The following TRMT9B variants were observed in gnomAD, a reference collection of about 807,000 sequenced individuals.
TRMT9B encodes the protein tRNA methyltransferase 9B (putative), also known as probable tRNA methyltransferase 9B.
In TRMT9B, 16 loss-of-function variants were observed where a neutral mutation model predicts 11.5. That is an observed-to-expected ratio of 1.39 (90% confidence interval 0.94 to 2.11). The LOEUF is 2.11. TRMT9B is among the 30% of genes most tolerant of loss of function. The probability of loss-of-function intolerance (pLI) is 0.00; values close to 1 mark genes in which losing one functional copy is unlikely to be tolerated. For missense variants in TRMT9B, 941 were observed against 553.8 expected (o/e 1.70, Z -7.02); for synonymous variants, 274 against 192.4 (o/e 1.42, Z -3.51).
chr8:13,010,136 T>TCAA, intron 3 of TRMT9B: 10 of 415,588 alleles, frequency 2.4e-5, no homozygotes, highest in Non-Finnish European at 3.1e-5. Flanking sequence ...AGACCCTATC[T>TCAA]GAAAAAAAAA....
intron 1 of TRMT9B, among the ~76,000 whole-genome samples, chr8:12,957,895 C>A (rs577510494): frequency 1.3e-5 from 2 of 152,136 alleles, no homozygotes; most frequent in Non-Finnish European, 2.9e-5. Context: ...ATCTCCAGAA[C>A]GTTTTTATCT....
intron 1 of TRMT9B, among the ~76,000 whole-genome samples, chr8:12,982,619 G>T (rs575285506): frequency 1.3e-5 from 2 of 151,366 alleles, no homozygotes; most frequent in African/African-American, 4.9e-5. Context: ...CCGAGATTGC[G>T]CCACTGCACT....
At chr8:13,010,264 T>A in intron 3 of TRMT9B, 2 of 897,586 alleles carry the variant, frequency 2.2e-6, no homozygotes, top group South Asian at 1.0e-4. Context: ...ATACATTTTT[T>A]AAACTATTCA....
rs1166240607 is a variant in TRMT9B, at chr8:13,012,688, T to G, written c.159T>G (p.Cys53Trp). 4 of 1,612,808 alleles carry G rather than the reference T, an allele frequency of 2.5e-6. No individual in the cohort carries two copies. The highest frequency in any genetic ancestry group is 3.4e-6 in the Non-Finnish European group (4 of 1,179,180). Residue 53 changes from cysteine (C) to tryptophan (W), a missense_variant, in exon 4 of 5, where the codon TGT (cysteine) becomes TGG (tryptophan). Physicochemically the swap from Cys to Trp is radical, Grantham distance 215 (BLOSUM62 -2). Transcript: ENST00000524591. ...ACGCAGGTTTTTCTCTTATAGGTTG[T>G]GGGACTGGAAAATATCTTAAAGTGA... ...KPGSLIADIGCGTGKYLKVNS... is the reference protein window; with the variant it reads ...KPGSLIADIGWGTGKYLKVNS...
rs1201571937 is a variant in TRMT9B, at chr8:13,015,114, AG to A, written c.328+2258del. Among the ~76,000 whole-genome samples, 6 of 151,730 alleles carry A rather than the reference AG, an allele frequency of 4.0e-5. No individual in the cohort carries two copies. In the East Asian group the frequency reaches 9.7e-4, roughly 24 times the overall value. On this transcript the variant is annotated intron_variant, in intron 4 of 4. Transcript: ENST00000524591. ...ATAAATAAATAAAATAAAAAGTCAA[AG>A]AAATCTGTGGACTGCTTGGTCTTCT...
At position 13,023,232 on chromosome 8, in the gene TRMT9B, A is replaced by G. The variant is rs1443320492; in HGVS notation, c.*1188A>G. ...CATCAAGAACTAGGCATTTCTTCTG[A>G]GTTGACGGACTCTTTAGGAAAGGAG... On this transcript the variant is annotated 3_prime_UTR_variant, in exon 5 of 5. Coordinates refer to ENST00000524591, the MANE Select transcript of TRMT9B (RefSeq NM_020844.3). 1.8e-5 allele frequency: 3 copies of G among 167,098 alleles called. No individual in the cohort carries two copies. Among genetic ancestry groups the G allele is most frequent in the Non-Finnish European group, 4.4e-5 (3 of 68,122 alleles). 10.4% of individuals were successfully genotyped at this position (167,098 alleles called of 1,614,324 possible).
rs578068604 is a variant in TRMT9B at position 13,002,739 on chromosome 8, G to T, written c.-1-3463G>T. Among the ~76,000 whole-genome samples, 361 of 152,294 alleles carry T rather than the reference G, an allele frequency of 2.4e-3. 3 individuals carry two copies. Among genetic ancestry groups the T allele is most frequent in the Non-Finnish European group, 4.5e-3 (305 of 68,032 alleles). ...AGAATCATTGGTAGATGCTAAAACT[G>T]GTGGGTGAGCAAATAAGAAACAATA... is the stretch of plus-strand genomic sequence containing the variant. On this transcript the variant is annotated intron_variant, in intron 2 of 4. Coordinates refer to ENST00000524591, the MANE Select transcript of TRMT9B (RefSeq NM_020844.3).
At chr8:12,978,047 A>G (rs1804735558) in intron 1 of TRMT9B, among the ~76,000 whole-genome samples, 1 of 152,130 alleles carries the variant, frequency 6.6e-6, no homozygotes, top group African/African-American at 2.4e-5. Context: ...GTAGATGGAT[A>G]GTGTGGAGTC....
intron 1 of TRMT9B, among the ~76,000 whole-genome samples, chr8:12,972,574 C>G (rs2128869151): frequency 6.6e-6 from 1 of 152,294 alleles, no homozygotes; most frequent in South Asian, 2.1e-4. Context: ...CCCTGTCCTT[C>G]CAGGCTCCCT....
chr8:12,954,178 C>A (rs552589551), intron 1 of TRMT9B, among the ~76,000 whole-genome samples: 1 of 152,322 alleles, frequency 6.6e-6, no homozygotes, highest in East Asian at 1.9e-4. Context: ...AATCTTAAAT[C>A]TCTGTGTACG....
Position 13,006,376 on chromosome 8 carries a change from G to T in TRMT9B, c.154+20G>T, listed in dbSNP as rs756666141. ...ACATAGGTAACCAGGCAGCCTCATC[G>T]CTGACATAGGTAACCAGGCAGCCTC... On this transcript the variant is annotated intron_variant, in intron 3 of 4. Transcript: ENST00000524591. 6.4e-7 allele frequency: 1 copy of T among 1,569,618 alleles called. No individual in the cohort carries two copies. Among genetic ancestry groups the T allele is most frequent in the East Asian group, 2.3e-5 (1 of 43,424 alleles).
At chr8:13,008,503 G>C (rs955149901) in intron 3 of TRMT9B, among the ~76,000 whole-genome samples, 2 of 152,140 alleles carry the variant, frequency 1.3e-5, no homozygotes, top group South Asian at 2.1e-4. Flanking sequence ...ACAATGCAAG[G>C]CTGTAGTATT....
chr8:12,990,348 T>A (rs1807121644), intron 1 of TRMT9B, among the ~76,000 whole-genome samples: 1 of 152,132 alleles, frequency 6.6e-6, no homozygotes, highest in Admixed American at 6.6e-5. Context: ...ACTAAAAGCC[T>A]TTTGATGGGT....
At chr8:12,969,521 C>A (rs1330023686) in intron 1 of TRMT9B, among the ~76,000 whole-genome samples, 1 of 152,188 alleles carries the variant, frequency 6.6e-6, no homozygotes, top group Non-Finnish European at 1.5e-5. Flanking sequence ...TACATTCTCC[C>A]ATTATTTTAA....
chr8:12,960,848 G>A (rs766715163), intron 1 of TRMT9B, among the ~76,000 whole-genome samples: 12 of 152,024 alleles, frequency 7.9e-5, no homozygotes, highest in African/African-American at 1.2e-4. Flanking sequence ...GGATTTGTAG[G>A]GCAATAAAAC....
At chr8:12,952,108 C>A (rs1441576340) in intron 1 of TRMT9B, 2 of 437,832 alleles carry the variant, frequency 4.6e-6, no homozygotes, top group South Asian at 3.2e-5. Flanking sequence ...GGCTCTGATG[C>A]AAAAGCAGCT....
At chr8:12,963,392 C>T (rs1257623908) in intron 1 of TRMT9B, among the ~76,000 whole-genome samples, 1 of 152,172 alleles carries the variant, frequency 6.6e-6, no homozygotes, top group Admixed American at 6.5e-5. Context: ...AAGATTGCAC[C>T]ACTGCACTCC....
chr8:12,971,862 T>G (rs1340144383), intron 1 of TRMT9B, among the ~76,000 whole-genome samples: 2 of 152,192 alleles, frequency 1.3e-5, no homozygotes, highest in African/African-American at 4.8e-5. Context: ...TATGATTGGG[T>G]GCCTGCTTTG....
At chr8:12,946,766 G>A (rs1369730365) in intron 1 of TRMT9B, among the ~76,000 whole-genome samples, 1 of 152,180 alleles carries the variant, frequency 6.6e-6, no homozygotes, top group Non-Finnish European at 1.5e-5. Flanking sequence ...GACTTGGCAG[G>A]ACTACTTTTT....
Sources: gnomAD v4.1 joint callset for allele counts (sites outside exome capture counted in the v4.1 genomes callset) on GRCh38, gnomAD v4.1.1 for gene constraint, MANE v1.5 for transcripts, NCBI Gene and HGNC (gene_info 2026-07-23, HGNC 2026-07-21) for gene names.